Variants in EBF2 observed in about 807,000 individuals in gnomAD.
EBF2 encodes the protein transcription factor COE2.
A neutral mutation model predicts 72.8 loss-of-function variants in EBF2; 21 were observed. That is an observed-to-expected ratio of 0.29 (90% CI 0.20 to 0.42). EBF2 has a LOEUF of 0.42. Ranked by LOEUF, EBF2 falls within the 10% of genes least tolerant of loss-of-function variation. EBF2 has a pLI of 1.00. For synonymous variants in EBF2, 299 were observed against 274.2 expected (o/e 1.09, Z -0.89); for missense variants, 637 against 731.2 (o/e 0.87, Z 1.49).
At chr8:25,952,551 A>G (rs1803880583) in intron 6 of EBF2, among the ~76,000 whole-genome samples, 1 of 152,294 alleles carries the variant, frequency 6.6e-6, no homozygotes, top group Admixed American at 6.5e-5. Flanking sequence ...GGCAGTCATT[A>G]GGTAAGGAGC....
At position 25,864,285 on chromosome 8, in the gene EBF2, T is replaced by C. The variant is rs531773184; in HGVS notation, c.1010-1488A>G. On this transcript the variant is annotated intron_variant, in intron 10 of 15. Transcript: ENST00000520164. ...TACATTTTTTTACTCACCAGTGAGG[T>C]TGAAGAATTTTTTCTTATATTTGCT... 3.3e-5 allele frequency among the ~76,000 whole-genome samples: 5 copies of C among 152,336 alleles called. No homozygotes were observed. In the East Asian group the frequency reaches 9.6e-4, roughly 29 times the overall value.
chr8:25,857,974 T>C, intron 14 of EBF2: 1 of 398,534 alleles, frequency 2.5e-6, no homozygotes, highest in Non-Finnish European at 4.8e-6. Flanking sequence ...CTTATGGAGA[T>C]TAAATAAAAT....
intron 6 of EBF2, among the ~76,000 whole-genome samples, chr8:25,916,327 A>G (rs1296327084): frequency 6.6e-6 from 1 of 151,814 alleles, no homozygotes; most frequent in Non-Finnish European, 1.5e-5. Flanking sequence ...AAAACAAAAA[A>G]CAACAACAAC....
chr8:25,980,253 A>C (rs1354893427), intron 6 of EBF2, among the ~76,000 whole-genome samples: 1 of 152,130 alleles, frequency 6.6e-6, no homozygotes, highest in Middle Eastern at 3.2e-3. Flanking sequence ...TGACCTGAAT[A>C]TCTCTCTTCC....
chr8:25,868,194 T>C (rs1802368711), intron 10 of EBF2, among the ~76,000 whole-genome samples: 1 of 152,238 alleles, frequency 6.6e-6, no homozygotes, highest in Non-Finnish European at 1.5e-5. Flanking sequence ...TTCTAGGTAA[T>C]TGAGTACTAA....
intron 6 of EBF2, among the ~76,000 whole-genome samples, chr8:25,999,898 C>A (rs1286238619): frequency 6.6e-6 from 1 of 152,104 alleles, no homozygotes; most frequent in Non-Finnish European, 1.5e-5. Flanking sequence ...TCCACTTGGA[C>A]CAAGACATCA....
At chr8:26,034,129 A>G (rs1805455236) in intron 5 of EBF2, among the ~76,000 whole-genome samples, 1 of 152,228 alleles carries the variant, frequency 6.6e-6, no homozygotes, top group Non-Finnish European at 1.5e-5. Flanking sequence ...TATAAACCTT[A>G]TTTACATAAC....
At chr8:26,004,456 C>CATG in intron 6 of EBF2, among the ~76,000 whole-genome samples, 1 of 152,224 alleles carries the variant, frequency 6.6e-6, no homozygotes, top group South Asian at 2.1e-4. Flanking sequence ...AGGTGGATTA[C>CATG]ATGAGGTCAG....
In EBF2 at chr8:25,843,036, G is replaced by A. The variant is rs1276339862; in HGVS notation, c.*1573C>T. The A allele has an allele frequency of 4.6e-5, 7 of 152,160 alleles. No individual in the cohort carries two copies. Among genetic ancestry groups the A allele is most frequent in the Non-Finnish European group, 1.5e-5 (1 of 68,036 alleles). The allele number at this position is 152,160 out of a possible 1,614,324, so 9.4% of individuals were successfully genotyped here. A position where few individuals can be genotyped will look rare whatever the true frequency, so the allele number is the denominator to read the frequency against. ...CCAATATGCCTGGATATGTCTCTAG[G>A]ATTACATAAGCTTTCAAGAATCAAC... On this transcript the variant is annotated 3_prime_UTR_variant, in exon 16 of 16. Transcript: ENST00000520164.
At chr8:25,892,907 C>T (rs1163490890) in intron 7 of EBF2, among the ~76,000 whole-genome samples, 1 of 152,108 alleles carries the variant, frequency 6.6e-6, no homozygotes, top group East Asian at 1.9e-4. Flanking sequence ...TCAATTGTGT[C>T]CATGTTAACA....
At chr8:26,015,643 A>G (rs1218646933) in intron 6 of EBF2, among the ~76,000 whole-genome samples, 1 of 152,234 alleles carries the variant, frequency 6.6e-6, no homozygotes, top group Non-Finnish European at 1.5e-5. Context: ...AATGATATTT[A>G]TTAATGCTCC....
chr8:25,922,092 A>C (rs974982777), intron 6 of EBF2, among the ~76,000 whole-genome samples: 1 of 152,200 alleles, frequency 6.6e-6, no homozygotes, highest in Non-Finnish European at 1.5e-5. Context: ...GAAAGGCTCA[A>C]TGTAAATGGG....
At chr8:26,007,907 A>C (rs565711096) in intron 6 of EBF2, among the ~76,000 whole-genome samples, 2 of 152,244 alleles carry the variant, frequency 1.3e-5, no homozygotes, top group Non-Finnish European at 2.9e-5. Flanking sequence ...CCCTAAAAAA[A>C]AAAAAATAAT....
At chr8:25,860,398 A>C (rs1802191228) in intron 13 of EBF2, among the ~76,000 whole-genome samples, 1 of 152,174 alleles carries the variant, frequency 6.6e-6, no homozygotes, top group Admixed American at 6.5e-5. Context: ...TGATAATCAC[A>C]ATAACAGAAG....
At chr8:26,005,293 A>ATTATATATTATATATTATAT (rs1378946857) in intron 6 of EBF2, among the ~76,000 whole-genome samples, 112 of 2,328 alleles carry the variant, frequency 0.048, 28 homozygotes, top group African/African-American at 0.15. Flanking sequence ...ATAATTATAT[A>ATTATATATTATATATTATAT]ATTATATATA....
intron 6 of EBF2, among the ~76,000 whole-genome samples, chr8:26,028,358 G>C (rs1004288204): frequency 2.0e-5 from 3 of 152,208 alleles, no homozygotes; most frequent in African/African-American, 7.2e-5. Flanking sequence ...AGGGACAAAA[G>C]ACTGGGATAT....
chr8:26,003,854 G>A (rs998693840), intron 6 of EBF2, among the ~76,000 whole-genome samples: 2 of 152,124 alleles, frequency 1.3e-5, no homozygotes, highest in Non-Finnish European at 1.5e-5. Context: ...TCACCTCTCT[G>A]GCGAAGCACC....
At chr8:25,872,374 T>C (rs757781737) in intron 10 of EBF2, among the ~76,000 whole-genome samples, 5 of 152,222 alleles carry the variant, frequency 3.3e-5, no homozygotes, top group Non-Finnish European at 7.3e-5. Context: ...ATCACACTGC[T>C]GGCCTCGGTT....
intron 7 of EBF2, among the ~76,000 whole-genome samples, chr8:25,903,825 G>C (rs768154839): frequency 7.2e-5 from 11 of 152,192 alleles, no homozygotes; most frequent in Non-Finnish European, 1.0e-4. Flanking sequence ...AAAGAGGAGG[G>C]AATGAATCAG....
Sources: gnomAD v4.1 joint callset for allele counts (sites outside exome capture counted in the v4.1 genomes callset) on GRCh38, gnomAD v4.1.1 for gene constraint, MANE v1.5 for transcripts, NCBI Gene and HGNC (gene_info 2026-07-23, HGNC 2026-07-21) for gene names.